The following FILIP1 variants were observed in gnomAD, a reference collection of about 807,000 sequenced individuals.
FILIP1 encodes the protein filamin-A-interacting protein 1.
In FILIP1, 61 loss-of-function variants were observed where a neutral mutation model predicts 102.1. The ratio of observed to expected loss-of-function variants is 0.60; its 90% CI spans 0.49 to 0.74. The LOEUF (loss-of-function observed/expected upper bound fraction) is 0.74. Among genes scored for constraint, FILIP1 ranks in the 30% least tolerant of loss-of-function variants. FILIP1 has a pLI of 0.00. For synonymous variants in FILIP1, 491 were observed against 526.9 expected (o/e 0.93, Z 0.93); for missense variants, 1,314 against 1,441.2 (o/e 0.91, Z 1.43).
At chr6:75,374,959 C>A (rs2149632532) in intron 2 of FILIP1, among the ~76,000 whole-genome samples, 1 of 152,318 alleles carries the variant, frequency 6.6e-6, no homozygotes, top group East Asian at 1.9e-4. Context: ...CTATGTAATT[C>A]CATCTGGAGG....
chr6:75,411,655 C>G (rs1777075114), intron 2 of FILIP1, among the ~76,000 whole-genome samples: 1 of 152,112 alleles, frequency 6.6e-6, no homozygotes, highest in Admixed American at 6.5e-5. Flanking sequence ...TTTCCCAACA[C>G]CATTTATTAA....
chr6:75,410,536 T>C (rs2149682895), intron 2 of FILIP1, among the ~76,000 whole-genome samples: 1 of 152,260 alleles, frequency 6.6e-6, no homozygotes, highest in Non-Finnish European at 1.5e-5. Context: ...CTCCTAATGC[T>C]ATCCATTCCC....
At chr6:75,318,567 TA>T (rs1295556346) in intron 4 of FILIP1, among the ~76,000 whole-genome samples, 5 of 152,164 alleles carry the variant, frequency 3.3e-5, no homozygotes, top group African/African-American at 1.2e-4. Flanking sequence ...AATCAACATA[TA>T]TTTTTTTCTA....
chr6:75,413,553 A>C (rs538707715), intron 2 of FILIP1, among the ~76,000 whole-genome samples: 1 of 152,180 alleles, frequency 6.6e-6, no homozygotes, highest in East Asian at 1.9e-4. Flanking sequence ...GTATGCACAC[A>C]CAGATGATAA....
chr6:75,351,396 T>C (rs1305370276), intron 4 of FILIP1, among the ~76,000 whole-genome samples: 1 of 152,196 alleles, frequency 6.6e-6, no homozygotes, highest in Non-Finnish European at 1.5e-5. Context: ...CCATTAATAT[T>C]CATTATACAC....
chr6:75,486,350 C>T (rs1375692872), intron 1 of FILIP1, among the ~76,000 whole-genome samples: 2 of 152,140 alleles, frequency 1.3e-5, no homozygotes, highest in East Asian at 3.9e-4. Flanking sequence ...GTGCCCCAGG[C>T]CTAGCTCATC....
intron 1 of FILIP1, among the ~76,000 whole-genome samples, chr6:75,462,041 C>T (rs1210790400): frequency 6.6e-6 from 1 of 152,164 alleles, no homozygotes; most frequent in Non-Finnish European, 1.5e-5. Flanking sequence ...AGCAGTGTGT[C>T]TTCACCTCTC....
At chr6:75,406,233 T>C (rs1273328851) in intron 2 of FILIP1, among the ~76,000 whole-genome samples, 1 of 152,180 alleles carries the variant, frequency 6.6e-6, no homozygotes, top group Non-Finnish European at 1.5e-5. Context: ...CTCTTATTTG[T>C]AGTCTGTAAA....
chr6:75,387,935 T>A (rs141906416), intron 2 of FILIP1, among the ~76,000 whole-genome samples: 1,591 of 152,310 alleles, frequency 0.01, 33 homozygotes, highest in African/African-American at 0.037. Context: ...GCTTTTGGTG[T>A]TTTAGTCATG....
intron 2 of FILIP1, among the ~76,000 whole-genome samples, chr6:75,373,083 A>G (rs987210716): frequency 6.6e-6 from 1 of 152,236 alleles, no homozygotes; most frequent in Non-Finnish European, 1.5e-5. Flanking sequence ...CATACATACA[A>G]TGGAATATTA....
chr6:75,348,953 G>C (rs1353885662), intron 4 of FILIP1, among the ~76,000 whole-genome samples: 1 of 151,872 alleles, frequency 6.6e-6, no homozygotes, highest in Non-Finnish European at 1.5e-5. Flanking sequence ...GGATATAAGA[G>C]GGTGGGGTGG....
At chr6:75,455,248 G>A (rs1479291247) in intron 1 of FILIP1, 1 of 152,116 alleles carries the variant, frequency 6.6e-6, no homozygotes, top group East Asian at 1.9e-4. Flanking sequence ...GAGGAGCCCA[G>A]GTTTAAAAGC....
chr6:75,293,060 G>C (rs556160116), exon 7 of FILIP1: 1 of 152,030 alleles, frequency 6.6e-6, no homozygotes, highest in African/African-American at 2.4e-5. Flanking sequence ...CATCAAACTC[G>C]AATATTTTAT....
chr6:75,391,661 A>G (rs1017728875), intron 2 of FILIP1, among the ~76,000 whole-genome samples: 2 of 152,134 alleles, frequency 1.3e-5, no homozygotes, highest in African/African-American at 2.4e-5. Context: ...ACTAGCTAGG[A>G]CATTGCTCCA....
intron 2 of FILIP1, among the ~76,000 whole-genome samples, chr6:75,386,669 A>G (rs892857133): frequency 6.6e-6 from 1 of 152,144 alleles, no homozygotes; most frequent in East Asian, 1.9e-4. Flanking sequence ...TGCTTTTCCT[A>G]GCCACGCCTC....
intron 1 of FILIP1, among the ~76,000 whole-genome samples, chr6:75,462,770 T>TG: frequency 6.6e-6 from 1 of 152,276 alleles, no homozygotes; most frequent in East Asian, 1.9e-4. Context: ...CATTGCTTTC[T>TG]GGGGGTGCAG....
At chr6:75,299,673 A>T (rs1034970123) in intron 6 of FILIP1, among the ~76,000 whole-genome samples, 3 of 152,168 alleles carry the variant, frequency 2.0e-5, no homozygotes, top group Non-Finnish European at 4.4e-5. Context: ...CCTTAAAAAA[A>T]CTTCAGGTAA....
At chr6:75,350,637 T>A (rs989149741) in intron 4 of FILIP1, among the ~76,000 whole-genome samples, 23 of 152,098 alleles carry the variant, frequency 1.5e-4, no homozygotes, top group Admixed American at 9.2e-4. Context: ...TTACTTCAAT[T>A]ACTCTCACAG....
intron 4 of FILIP1, among the ~76,000 whole-genome samples, chr6:75,320,526 G>A (rs550862534): frequency 1.1e-4 from 17 of 152,212 alleles, no homozygotes; most frequent in South Asian, 2.1e-4. Flanking sequence ...GCAGTGAGCC[G>A]AGATCACATC....
Sources: allele counts gnomAD v4.1 joint callset (sites outside exome capture counted in the v4.1 genomes callset), GRCh38; gene constraint gnomAD v4.1.1; transcripts MANE v1.5; gene names NCBI Gene and HGNC (gene_info 2026-07-23, HGNC 2026-07-21).